The following NSD1 variants were observed in gnomAD, a reference collection of about 807,000 sequenced individuals.
NSD1 encodes histone-lysine N-methyltransferase, H3 lysine-36 specific.
A neutral mutation model predicts 242.7 loss-of-function variants in NSD1; 26 were observed. The observed-to-expected ratio is 0.11, with a 90% confidence interval of 0.08 to 0.15. The LOEUF (loss-of-function observed/expected upper bound fraction) is 0.15, where lower values mean the gene tolerates loss of function less well. NSD1 is among the 10% of genes least tolerant of loss of function. The probability of loss-of-function intolerance (pLI) is 1.00; values close to 1 mark genes in which losing one functional copy is unlikely to be tolerated. For missense variants in NSD1, 2,495 were observed against 3,272.8 expected, an observed-to-expected ratio of 0.76 and a Z score of 5.80; for synonymous variants, 1,106 against 1,178.1, an observed-to-expected ratio of 0.94 and a Z score of 1.25.
rs1202161418 is a variant in NSD1, at chr5:177,297,589, A to C, written c.*2130A>C. 1.5e-5 allele frequency: 3 copies of C among 200,894 alleles called. No homozygotes were observed. The East Asian group carries it at 2.2e-4, about 15-fold the overall frequency. The allele number at this position is 200,894 out of a possible 1,614,324, so 12.4% of individuals were successfully genotyped here. ...AAAAAGGTATCTGCACTGCACTGTCAGAGTCTCCTTTCACTATGTTGTGTG... is the reference window on the plus strand; with the variant it reads ...AAAAAGGTATCTGCACTGCACTGTCCGAGTCTCCTTTCACTATGTTGTGTG... On this transcript the variant is annotated 3_prime_UTR_variant, in exon 23 of 23. Coordinates refer to ENST00000439151, the MANE Select transcript of NSD1 (RefSeq NM_022455.5).
At chr5:177,228,850 A>G (rs1562234778) in intron 5 of NSD1, among the ~76,000 whole-genome samples, 1 of 152,308 alleles carries the variant, frequency 6.6e-6, no homozygotes, top group East Asian at 1.9e-4. Flanking sequence ...TTGCAAATTT[A>G]ATGTGTTATG....
Position 177,238,139 on chromosome 5 carries a change from T to A in NSD1, c.3922-98T>A. On this transcript the variant is annotated intron_variant, in intron 6 of 22. Coordinates refer to ENST00000439151, the MANE Select transcript of NSD1 (RefSeq NM_022455.5). The surrounding 1 kb of genome is among the most constrained non-coding windows in gnomAD (Gnocchi z 4.6). Reference sequence around the variant, plus strand: ...AGGTTCATCCACTTTTTGTAGCCTTTGTCAGAATTTCATTCCTTTTAAAGT... The same window carrying A: ...AGGTTCATCCACTTTTTGTAGCCTTAGTCAGAATTTCATTCCTTTTAAAGT... The A allele has an allele frequency of 7.3e-7, 1 of 1,369,920 alleles. No homozygotes were observed. The highest frequency in any genetic ancestry group is 1.0e-6 in the Non-Finnish European group (1 of 961,054). The allele number at this position is 1,369,920 out of a possible 1,614,324, so 84.9% of individuals were successfully genotyped here. A position where few individuals can be genotyped will look rare whatever the true frequency, so the allele number is the denominator to read the frequency against.
intron 13 of NSD1, among the ~76,000 whole-genome samples, chr5:177,258,585 G>A (rs1261183064): frequency 4.0e-5 from 6 of 151,708 alleles, no homozygotes; most frequent in Non-Finnish European, 8.8e-5. Flanking sequence ...GCCCAGGCTG[G>A]AGTGCAATGG....
rs146601031 is a variant in NSD1 at position 177,292,139 on chromosome 5, T to C, written c.6444T>C (p.Asn2148=). The C allele has an allele frequency of 2.2e-4, 348 of 1,614,124 alleles. No homozygotes were observed. Among genetic ancestry groups the C allele is most frequent in the Non-Finnish European group, 2.8e-4 (325 of 1,180,016 alleles). Residue 2148 remains asparagine (N), a synonymous_variant, in exon 22 of 23, where the codon AAT becomes AAC. Transcript: ENST00000439151. ...AAGTTTACCACGCAGACTGTCTCAA[T>C]CTGACCAAGCGACCAGCAGGTTGGT... is the stretch of plus-strand genomic sequence containing the variant. The part of the protein sequence containing the change: ...CPKVYHADCL[N]LTKRPAGKWE...
rs778351478 is a variant in NSD1 at position 177,211,510 on chromosome 5, A to G, written c.3111A>G (p.Gln1037=). Residue 1037 remains glutamine (Q), a synonymous_variant, in exon 5 of 23, where the codon CAA becomes CAG. Transcript: ENST00000439151. The part of the protein sequence containing the change: ...SSKLRDAFSA[Q]MVKNTVNRKA... ...AATTGCGAGATGCTTTTTCAGCCCA[A>G]ATGGTAAAGAACACAGTGAACCGTA... 1.2e-6 allele frequency: 2 copies of G among 1,614,134 alleles called. No individual in the cohort carries two copies. Among genetic ancestry groups the G allele is most frequent in the Non-Finnish European group, 8.5e-7 (1 of 1,180,038 alleles).
chr5:177,223,432 A>T (rs1764395803), intron 5 of NSD1, among the ~76,000 whole-genome samples: 1 of 151,440 alleles, frequency 6.6e-6, no homozygotes, highest in African/African-American at 2.4e-5. Flanking sequence ...AATTAGCCGG[A>T]TGTGGTAGCA....
intron 15 of NSD1, among the ~76,000 whole-genome samples, chr5:177,268,766 A>G (rs1437126164): frequency 6.6e-6 from 1 of 151,920 alleles, no homozygotes; most frequent in African/African-American, 2.4e-5. Context: ...TTGTTGATAC[A>G]TTTTCCTGCA....
At position 177,264,767 on chromosome 5, in the gene NSD1, T is replaced by C. The variant is rs556151607; in HGVS notation, c.5147-2795T>C. Reference sequence around the variant, plus strand: ...GCCATCTTCCTGTAATTCGCCAAAATGACAAACACAAAGGGAAAGAGGAGA... The same window carrying C: ...GCCATCTTCCTGTAATTCGCCAAAACGACAAACACAAAGGGAAAGAGGAGA... On this transcript the variant is annotated intron_variant, in intron 14 of 22. Coordinates refer to ENST00000439151, the MANE Select transcript of NSD1 (RefSeq NM_022455.5). 2.6e-3 allele frequency: 1,900 copies of C among 737,178 alleles called. 25 individuals carry two copies. The highest frequency in any genetic ancestry group is 0.011 in the Middle Eastern group (39 of 3,510). The allele number at this position is 737,178 out of a possible 1,614,324, so 45.7% of individuals were successfully genotyped here. A position where few individuals can be genotyped will look rare whatever the true frequency, so the allele number is the denominator to read the frequency against.
At chr5:177,150,807 A>G (rs565109913) in intron 2 of NSD1, among the ~76,000 whole-genome samples, 1 of 152,290 alleles carries the variant, frequency 6.6e-6, no homozygotes, top group East Asian at 1.9e-4. Context: ...TTGATGCTGT[A>G]ATTGGAGTTG....
At chr5:177,145,973 C>T (rs1329830538) in intron 2 of NSD1, among the ~76,000 whole-genome samples, 1 of 151,334 alleles carries the variant, frequency 6.6e-6, no homozygotes, top group Non-Finnish European at 1.5e-5. Context: ...CCTGTAATCC[C>T]AGCGTTTTGG....
intron 2 of NSD1, among the ~76,000 whole-genome samples, chr5:177,163,812 A>G (rs1228567476): frequency 2.6e-5 from 4 of 152,156 alleles, no homozygotes; most frequent in African/African-American, 7.2e-5. Context: ...GCTTAGAGAG[A>G]TTTAAGTGGT....
At chr5:177,237,231 T>A (rs555390596) in intron 6 of NSD1, among the ~76,000 whole-genome samples, 1 of 152,272 alleles carries the variant, frequency 6.6e-6, no homozygotes. Flanking sequence ...ACTTTCAGAT[T>A]TTATTATTTT....
chr5:177,265,051 G>A (rs534975078), intron 14 of NSD1: 1 of 759,260 alleles, frequency 1.3e-6, no homozygotes, highest in African/African-American at 1.7e-5. Context: ...AGCACATTAA[G>A]CACTCCTAAG....
intron 12 of NSD1, among the ~76,000 whole-genome samples, chr5:177,254,205 C>T (rs1416485239): frequency 6.6e-6 from 1 of 152,136 alleles, no homozygotes; most frequent in Non-Finnish European, 1.5e-5. Context: ...CCTTGGCCTC[C>T]CAAAGTGCTG....
chr5:177,179,224 G>GT (rs1331329507), intron 2 of NSD1, among the ~76,000 whole-genome samples: 13 of 151,720 alleles, frequency 8.6e-5, no homozygotes, highest in African/African-American at 1.2e-4. Context: ...TGTTTGTTTT[G>GT]TTTTTTTTGA....
At chr5:177,241,018 C>A (rs1765814937) in intron 8 of NSD1, among the ~76,000 whole-genome samples, 2 of 152,278 alleles carry the variant, frequency 1.3e-5, no homozygotes, top group South Asian at 4.1e-4. Context: ...GACCCTGTCT[C>A]AGTCAATCAA....
At chr5:177,204,860 A>C (rs1209368239) in intron 4 of NSD1, among the ~76,000 whole-genome samples, 1 of 151,920 alleles carries the variant, frequency 6.6e-6, no homozygotes, top group East Asian at 1.9e-4. Flanking sequence ...AAATTTTTTG[A>C]TAAATTATTT....
chr5:177,170,385 C>T (rs1476476047), intron 2 of NSD1, among the ~76,000 whole-genome samples: 1 of 151,534 alleles, frequency 6.6e-6, no homozygotes, highest in African/African-American at 2.4e-5. Flanking sequence ...GAGTCTCGCT[C>T]TGTCGCCCAG....
chr5:177,262,618 C>T (rs1757079671), intron 14 of NSD1, among the ~76,000 whole-genome samples: 2 of 152,238 alleles, frequency 1.3e-5, no homozygotes, highest in South Asian at 4.1e-4. Context: ...ATGGCTCATG[C>T]CTCTAATCCC....
Sources: gnomAD v4.1 joint callset for allele counts (sites outside exome capture counted in the v4.1 genomes callset) on GRCh38, gnomAD v4.1.1 for gene constraint, Gnocchi (gnomAD v3.1) non-coding constraint, MANE v1.5 for transcripts, NCBI Gene and HGNC (gene_info 2026-07-23, HGNC 2026-07-21) for gene names.